WDPCP: variants seen among roughly 807,000 people sequenced by gnomAD.
WDPCP encodes WD repeat-containing and planar cell polarity effector protein fritz homolog.
Under a neutral mutation model 93.1 loss-of-function variants are expected in WDPCP, and 71 were observed. The observed-to-expected ratio is 0.76, with a 90% CI of 0.63 to 0.93. WDPCP has a LOEUF of 0.93. WDPCP is among the 40% of genes least tolerant of loss of function. The pLI, the probability that WDPCP is intolerant of heterozygous loss-of-function variation, is 0.00. For missense variants in WDPCP, 844 were observed against 887.4 expected (o/e 0.95, Z 0.62); for synonymous variants, 315 against 315.0 (o/e 1.00, Z 0.00).
At chr2:63,817,096 A>G (rs1575781255) in intron 1 of WDPCP, among the ~76,000 whole-genome samples, 1 of 150,112 alleles carries the variant, frequency 6.7e-6, no homozygotes, top group South Asian at 2.1e-4. Flanking sequence ...CAGACACTGC[A>G]CTCAAGAGCT....
intron 2 of WDPCP, among the ~76,000 whole-genome samples, chr2:63,807,922 T>C (rs1279033192): frequency 6.6e-6 from 1 of 152,228 alleles, no homozygotes; most frequent in Non-Finnish European, 1.5e-5. Flanking sequence ...TGCTGAAGTT[T>C]ACAAGTATCT....
rs139878372 is a variant in WDPCP at position 63,121,380 on chromosome 2, C to CTTTTTTTTTT, written c.*616_*625dup. Reference sequence around the variant, plus strand: ...AGGACTTTCTTTCTTTCTTTTCTTTCTTTTTTTTTTTTTTTTTTTTTGGAG... The same window carrying CTTTTTTTTTT: ...AGGACTTTCTTTCTTTCTTTTCTTTCTTTTTTTTTTTTTTTTTTTTTTTTTTTTTTTGGAG... On this transcript the variant is annotated 3_prime_UTR_variant, in exon 18 of 18. Transcript: ENST00000272321. The CTTTTTTTTTT allele has an allele frequency of 1.1e-5, 1 of 87,324 alleles. No individual in the cohort carries two copies. Among genetic ancestry groups the CTTTTTTTTTT allele is most frequent in the Non-Finnish European group, 2.3e-5 (1 of 44,332 alleles). The allele number at this position is 87,324 out of a possible 1,614,324, so 5.4% of individuals were successfully genotyped here.
intron 3 of WDPCP, chr2:63,605,456 T>A: frequency 8.7e-7 from 1 of 1,155,614 alleles, no homozygotes; most frequent in Non-Finnish European, 1.3e-6. Context: ...TGATATAATA[T>A]AAAAAGAATA....
chr2:63,546,362 T>G (rs1485103590), intron 1 of WDPCP, among the ~76,000 whole-genome samples: 1 of 152,120 alleles, frequency 6.6e-6, no homozygotes, highest in African/African-American at 2.4e-5. Flanking sequence ...CCAGGCCTGC[T>G]CAAGGTAGGG....
At chr2:63,515,571 G>C (rs559830367) in intron 1 of WDPCP, among the ~76,000 whole-genome samples, 1 of 152,142 alleles carries the variant, frequency 6.6e-6, no homozygotes, top group South Asian at 2.1e-4. Flanking sequence ...TTTAGAGATT[G>C]CATTTATTTG....
At chr2:63,597,439 C>A (rs1432905804) in intron 3 of WDPCP, 24 of 1,472,692 alleles carry the variant, frequency 1.6e-5, no homozygotes, top group Non-Finnish European at 2.2e-5. Context: ...CCTTCAAAGA[C>A]CTGGATGTGG....
At chr2:63,452,458 A>G (rs369395093) in intron 6 of WDPCP, among the ~76,000 whole-genome samples, 7 of 152,190 alleles carry the variant, frequency 4.6e-5, no homozygotes, top group African/African-American at 7.2e-5. Flanking sequence ...CAAACAAATG[A>G]AAGAACATTC....
At chr2:63,276,525 AT>A (rs1683102241) in intron 13 of WDPCP, among the ~76,000 whole-genome samples, 3 of 152,240 alleles carry the variant, frequency 2.0e-5, no homozygotes, top group Non-Finnish European at 4.4e-5. Flanking sequence ...GCTGGCATAA[AT>A]AAAAAACAAT....
chr2:63,765,369 T>C (rs950996118), intron 2 of WDPCP, among the ~76,000 whole-genome samples: 7 of 152,094 alleles, frequency 4.6e-5, no homozygotes, highest in Non-Finnish European at 7.4e-5. Context: ...GGCTTAAGCA[T>C]AGGGGCCAGT....
chr2:63,503,731 TGAAGA>T (rs1394958467), intron 1 of WDPCP, among the ~76,000 whole-genome samples: 1 of 152,048 alleles, frequency 6.6e-6, no homozygotes, highest in Non-Finnish European at 1.5e-5. Context: ...AACGTAACTT[TGAAGA>T]GAAAATAAAT....
chr2:63,785,117 A>G (rs1670448860), intron 2 of WDPCP, among the ~76,000 whole-genome samples: 1 of 152,212 alleles, frequency 6.6e-6, no homozygotes, highest in Non-Finnish European at 1.5e-5. Context: ...TTGCTCTTTA[A>G]TTACACTGAG....
At chr2:63,193,039 A>C (rs989042658) in intron 14 of WDPCP, among the ~76,000 whole-genome samples, 2 of 152,256 alleles carry the variant, frequency 1.3e-5, no homozygotes, top group African/African-American at 4.8e-5. Flanking sequence ...CTAGTTGATA[A>C]GTACAAGATA....
At chr2:63,732,779 G>GA (rs1370965217) in intron 2 of WDPCP, among the ~76,000 whole-genome samples, 1 of 152,184 alleles carries the variant, frequency 6.6e-6, no homozygotes, top group Non-Finnish European at 1.5e-5. Flanking sequence ...TTAAGGGAAA[G>GA]AAAGAATTGA....
At chr2:63,467,582 C>A (rs1427579855) in intron 6 of WDPCP, among the ~76,000 whole-genome samples, 2 of 151,556 alleles carry the variant, frequency 1.3e-5, no homozygotes, top group African/African-American at 4.8e-5. Flanking sequence ...TTCAAGACCA[C>A]CCTGGCCAAT....
At chr2:63,501,273 AAG>A (rs771194559) in intron 1 of WDPCP, among the ~76,000 whole-genome samples, 8 of 152,236 alleles carry the variant, frequency 5.3e-5, no homozygotes, top group Non-Finnish European at 1.0e-4. Context: ...GCAAAAAATG[AAG>A]AGAGAAAGCC....
Position 63,198,473 on chromosome 2 carries a change from G to A in WDPCP, c.1916-23641C>T, listed in dbSNP as rs185925435. Among the ~76,000 whole-genome samples the A allele has an allele frequency of 1.3e-4, 20 of 152,234 alleles. 1 individual carries two copies. Among genetic ancestry groups the A allele is most frequent in the East Asian group, 1.9e-4 (1 of 5,172 alleles). ...CTGATGGTATTTTTATATGCATAAT[G>A]TTAAATTTGTAAGTTAACTTTGGGA... On this transcript the variant is annotated intron_variant, in intron 14 of 17. Coordinates refer to ENST00000272321, the MANE Select transcript of WDPCP (RefSeq NM_015910.7).
At chr2:63,830,013 GTTCAT>G (rs942472080), upstream of WDPCP, among the ~76,000 whole-genome samples, 1 of 151,850 alleles carries the variant, frequency 6.6e-6, no homozygotes, top group Non-Finnish European at 1.5e-5. Context: ...ACACATTTTA[GTTCAT>G]TTCGTCTTTG....
At chr2:63,634,262 T>C (rs1411693840) in intron 3 of WDPCP, among the ~76,000 whole-genome samples, 3 of 152,148 alleles carry the variant, frequency 2.0e-5, no homozygotes, top group Non-Finnish European at 4.4e-5. Context: ...ATAGCTATAC[T>C]TATATCAAAC....
intron 2 of WDPCP, among the ~76,000 whole-genome samples, chr2:63,726,598 A>G (rs1669500331): frequency 6.6e-6 from 1 of 152,214 alleles, no homozygotes; most frequent in Non-Finnish European, 1.5e-5. Context: ...GTAGTTTGAT[A>G]GGAACAGCAT....
Sources: allele counts gnomAD v4.1 joint callset (sites outside exome capture counted in the v4.1 genomes callset), GRCh38; gene constraint gnomAD v4.1.1; transcripts MANE v1.5; gene names NCBI Gene and HGNC (gene_info 2026-07-23, HGNC 2026-07-21).